The following MGAM variants were observed in gnomAD, a reference collection of about 807,000 sequenced individuals.
MGAM encodes alpha-1,4-glucosidase.
Under a neutral mutation model 358.8 loss-of-function variants are expected in MGAM, and 253 were observed. That is an observed-to-expected ratio of 0.71 (90% CI 0.64 to 0.78). The LOEUF (loss-of-function observed/expected upper bound fraction) is 0.78, where lower values mean the gene tolerates loss of function less well. Among genes scored for constraint, MGAM ranks in the 30% least tolerant of loss-of-function variants. MGAM has a pLI of 0.00. For synonymous variants in MGAM, 1,105 were observed against 1,227.1 expected (o/e 0.90, Z 2.08); for missense variants, 3,080 against 3,432.6 (o/e 0.90, Z 2.57).
At chr7:142,093,762 C>G (rs746932967) in intron 60 of MGAM, among the ~76,000 whole-genome samples, 1 of 146,168 alleles carries the variant, frequency 6.8e-6, no homozygotes, top group Non-Finnish European at 1.6e-5. Flanking sequence ...AAGGCATGGT[C>G]CCACCAGTGA....
Position 142,022,413 on chromosome 7 carries a change from T to C in MGAM, c.856T>C (p.Phe286Leu). 1 of 1,613,606 alleles carries C rather than the reference T, an allele frequency of 6.2e-7. No homozygotes were observed. Among genetic ancestry groups the C allele is most frequent in the Non-Finnish European group, 8.5e-7 (1 of 1,179,618 alleles). The change falls in exon 7 of 71, where the codon TTT becomes CTT. Residue 286 changes from phenylalanine (F) to leucine (L), a missense_variant. Physicochemically the swap from Phe to Leu is conservative, Grantham distance 22. Around this residue, in one of 5 missense-constraint regions of MGAM, gnomAD observed 1,816 missense variants for 1,840.5 expected, o/e 0.99. Transcript: ENST00000475668. ...TATGAATTGGAAGACCTGGCCCATA[T>C]TTAACAGAGACACAACTCCCAATGG... ...HDMNWKTWPIFNRDTTPNGNG... is the reference protein window; with the variant it reads ...HDMNWKTWPILNRDTTPNGNG...
At chr7:142,079,083 C>T in intron 49 of MGAM, 75 bp downstream of exon 49, 1 of 1,271,762 alleles carries the variant, frequency 7.9e-7, no homozygotes, top group South Asian at 1.3e-5. Context: ...TCAGGTCACA[C>T]AACCCTAAAA....
At chr7:142,020,599 A>ATTT (rs1367804626) in intron 4 of MGAM, among the ~76,000 whole-genome samples, 1 of 133,564 alleles carries the variant, frequency 7.5e-6, no homozygotes, top group African/African-American at 3.1e-5. Flanking sequence ...ATATATATAT[A>ATTT]TATATTTTTT....
chr7:142,024,414 GA>G (rs10580224), intron 7 of MGAM, among the ~76,000 whole-genome samples: 23,343 of 138,642 alleles, frequency 0.17, 1,972 homozygotes, highest in African/African-American at 0.26. Flanking sequence ...ACCCTGTCTG[GA>G]AAAAAAAAAA....
rs1165053267 is a variant in MGAM, at chr7:142,042,572, TA to T, written c.2498+1728del. Reference sequence around the variant, plus strand: ...ATATATACATATTATATATAATATATAATATATATTATATATACATATTATA... The same window carrying T: ...ATATATACATATTATATATAATATATATATATATTATATATACATATTATA... On this transcript the variant is annotated intron_variant, in intron 21 of 70. Coordinates refer to ENST00000475668, the MANE Select transcript of MGAM (RefSeq NM_001365693.1). 5.4e-4 allele frequency among the ~76,000 whole-genome samples: 26 copies of T among 47,804 alleles called. 8 individuals carry two copies. The South Asian group carries it at 7.3e-3, about 13-fold the overall frequency. 31.4% of individuals were successfully genotyped at this position (47,804 alleles called of 152,430 possible).
At chr7:142,102,118 G>C (rs998084783) in intron 68 of MGAM, among the ~76,000 whole-genome samples, 3 of 152,104 alleles carry the variant, frequency 2.0e-5, no homozygotes, top group Non-Finnish European at 4.4e-5. Context: ...GACAAAGAAG[G>C]CTTTTCTTTG....
At chr7:142,041,401 A>C (rs530068415) in intron 21 of MGAM, among the ~76,000 whole-genome samples, 1 of 152,112 alleles carries the variant, frequency 6.6e-6, no homozygotes, top group South Asian at 2.1e-4. Context: ...TTAATTTTCC[A>C]AGTTGTAGAC....
chr7:142,000,742 G>A lies in MGAM; in HGVS notation c.-2-4787G>A, dbSNP rs564739210. Among the ~76,000 whole-genome samples the A allele has an allele frequency of 2.9e-3, 445 of 152,244 alleles. 1 individual carries two copies. Among genetic ancestry groups the A allele is most frequent in the Non-Finnish European group, 4.7e-3 (323 of 68,016 alleles). On this transcript the variant is annotated intron_variant, in intron 1 of 70. Transcript: ENST00000475668. ...TTTGTATATACATTGATTCCCAAGT[G>A]TGTAAGTGTATTTAAGGGATGAATT...
intron 19 of MGAM, 64 bp from the exon 20 acceptor site, chr7:142,040,051 C>T (rs1421114428): frequency 8.0e-7 from 1 of 1,251,392 alleles, no homozygotes; most frequent in Non-Finnish European, 1.2e-6. Flanking sequence ...TAAGAAATTC[C>T]CTAGAGAATA....
rs769839237 is a variant in MGAM, at chr7:142,078,343, T to C, written c.5519T>C (p.Leu1840Pro). Residue 1840 changes from leucine to proline, a missense_variant, in exon 48 of 71, where the codon CTT becomes CCT. By Grantham distance (98) the Leu-to-Pro change is moderately conservative. Coordinates refer to ENST00000475668, the MANE Select transcript of MGAM (RefSeq NM_001365693.1). ...GTCGCCATTATCACAGACATCAATC[T>C]TTTCCTGGGAGAAGCATACACAGTG... Reference protein sequence around the residue: ...LKVAIITDINLFLGEAYTVEW... With the variant: ...LKVAIITDINPFLGEAYTVEW... 6.7e-7 allele frequency: 1 copy of C among 1,492,048 alleles called. No homozygotes were observed. Among genetic ancestry groups the C allele is most frequent in the Non-Finnish European group, 9.1e-7 (1 of 1,097,962 alleles). The allele number at this position is 1,492,048 out of a possible 1,614,324, so 92.4% of individuals were successfully genotyped here. A position where few individuals can be genotyped will look rare whatever the true frequency, so the allele number is the denominator to read the frequency against.
intron 2 of MGAM, among the ~76,000 whole-genome samples, chr7:142,008,280 C>T (rs1264046704): frequency 1.3e-5 from 2 of 152,108 alleles, no homozygotes; most frequent in Non-Finnish European, 2.9e-5. Flanking sequence ...TACATACTAT[C>T]TTGTAGGGGA....
intron 7 of MGAM, among the ~76,000 whole-genome samples, chr7:142,024,664 T>C (rs1806788983): frequency 1.3e-5 from 2 of 152,156 alleles, no homozygotes; most frequent in Non-Finnish European, 2.9e-5. Context: ...AGACTAGAGC[T>C]CCATCTAGTT....
chr7:141,992,883 C>T (rs1554447621), upstream of MGAM, among the ~76,000 whole-genome samples: 1 of 152,206 alleles, frequency 6.6e-6, no homozygotes, highest in Non-Finnish European at 1.5e-5. Context: ...GCTTCAGACC[C>T]AAGGTCTTGG....
In MGAM at chr7:142,034,747, C is replaced by G. The variant is rs1554465193; in HGVS notation, c.1865C>G (p.Ala622Gly). Reference protein sequence around the residue: ...RSTFAGSGKFAAHWLGDNTAT... With the variant: ...RSTFAGSGKFGAHWLGDNTAT... ...ACCTTTGCGGGCTCTGGCAAGTTTG[C>G]AGCACATTGGTTAGGAGACAACACT... Residue 622 changes from alanine (A) to glycine (G), a missense_variant, in exon 16 of 71, where the codon GCA (alanine) becomes GGA (glycine). Ala to Gly is a moderately conservative substitution (Grantham distance 60, BLOSUM62 0). This residue lies in a region of MGAM where 1,816 missense variants were observed against 1,840.5 expected (regional missense o/e 0.99). Transcript: ENST00000475668. 6.2e-7 allele frequency: 1 copy of G among 1,613,584 alleles called. No homozygotes were observed. The highest frequency in any genetic ancestry group is 1.7e-5 in the Admixed American group (1 of 59,972).
At chr7:142,043,788 CATATA>C (rs1007446854) in intron 21 of MGAM, among the ~76,000 whole-genome samples, 2 of 79,256 alleles carry the variant, frequency 2.5e-5, no homozygotes, top group Non-Finnish European at 2.9e-5. Flanking sequence ...ACACATACGA[CATATA>C]ATATATACAT....
Position 142,007,571 on chromosome 7 carries a change from C to A in MGAM, c.128-935C>A, listed in dbSNP as rs544142452. ...ACATTGGCACAATTTGAATTTGAAA[C>A]CCCCAATGAAAAGAAAACCAATCAA... On this transcript the variant is annotated intron_variant, in intron 2 of 70. Transcript: ENST00000475668. Among the ~76,000 whole-genome samples the A allele has an allele frequency of 4.6e-5, 7 of 152,204 alleles. No homozygotes were observed. The East Asian group carries it at 7.7e-4, about 17-fold the overall frequency.
chr7:142,063,392 C>T (rs1317834015), intron 35 of MGAM, 107 bp from the exon 36 acceptor site: 2 of 1,343,524 alleles, frequency 1.5e-6, no homozygotes, highest in East Asian at 5.0e-5. Flanking sequence ...CTGGCATCTA[C>T]AGAGATTACT....
rs138901979 is a variant in MGAM, at chr7:142,030,185, C to T, written c.1222-177C>T. The T allele has an allele frequency of 1.3e-3, 894 of 677,366 alleles. 4 individuals carry two copies. In the African/African-American group the frequency reaches 0.014, roughly 11 times the overall value. The allele number at this position is 677,366 out of a possible 1,614,324, so 42.0% of individuals were successfully genotyped here. A position where few individuals can be genotyped will look rare whatever the true frequency, so the allele number is the denominator to read the frequency against. ...GCCAAGCCCTAGGGAACCAACCAGT[C>T]GTGTGTTTTTGAAATCAACATTGGA... On this transcript the variant is annotated intron_variant, in intron 10 of 70. Transcript: ENST00000475668.
chr7:142,061,592 GC>G (rs1237490615), intron 34 of MGAM, among the ~76,000 whole-genome samples: 3 of 152,104 alleles, frequency 2.0e-5, no homozygotes, highest in Admixed American at 6.5e-5. Flanking sequence ...AAGAACTGGA[GC>G]TCCCCTAGAC....
Sources: gnomAD v4.1 joint callset for allele counts (sites outside exome capture counted in the v4.1 genomes callset) on GRCh38, gnomAD v4.1.1 for gene constraint, gnomAD v4.1.1 regional missense constraint, MANE v1.5 for transcripts, NCBI Gene and HGNC (gene_info 2026-07-23, HGNC 2026-07-21) for gene names.